The following NDUFS4 variants were observed in gnomAD, a reference collection of about 807,000 sequenced individuals.
NDUFS4 encodes the protein NADH dehydrogenase [ubiquinone] iron-sulfur protein 4, mitochondrial.
Under a neutral mutation model 24.3 loss-of-function variants are expected in NDUFS4, and 28 were observed. The observed-to-expected ratio is 1.15, with a 90% CI of 0.85 to 1.58. NDUFS4 has a LOEUF of 1.58. Among genes scored for constraint, NDUFS4 ranks in the 40% most tolerant of loss-of-function variants. The probability of loss-of-function intolerance (pLI) is 0.00; values close to 1 mark genes in which losing one functional copy is unlikely to be tolerated. For missense variants in NDUFS4, 223 were observed against 207.9 expected (o/e 1.07, Z -0.45); for synonymous variants, 93 against 69.7 (o/e 1.34, Z -1.67).
chr5:53,637,967 C>T (rs1301707832), intron 2 of NDUFS4, among the ~76,000 whole-genome samples: 1 of 152,028 alleles, frequency 6.6e-6, no homozygotes, highest in East Asian at 1.9e-4. Flanking sequence ...TTATGAATGA[C>T]AGAAGATTTA....
chr5:53,666,660 G>A (rs1752522215), intron 4 of NDUFS4, among the ~76,000 whole-genome samples: 2 of 151,758 alleles, frequency 1.3e-5, no homozygotes, highest in Admixed American at 1.3e-4. Context: ...CTCTGACTGG[G>A]CACAGTGGCT....
chr5:53,583,055 T>C (rs1265569389), intron 1 of NDUFS4, among the ~76,000 whole-genome samples: 1 of 152,064 alleles, frequency 6.6e-6, no homozygotes, highest in African/African-American at 2.4e-5. Flanking sequence ...TTTTTTGTAT[T>C]TTTAGTAGAG....
At chr5:53,631,852 A>G (rs2112490984) in intron 2 of NDUFS4, among the ~76,000 whole-genome samples, 1 of 152,260 alleles carries the variant, frequency 6.6e-6, no homozygotes, top group East Asian at 1.9e-4. Flanking sequence ...CACCGATGGG[A>G]ATCTCCTGGA....
chr5:53,573,781 G>C (rs982028369), intron 1 of NDUFS4: 1 of 255,684 alleles, frequency 3.9e-6, no homozygotes, highest in African/African-American at 2.3e-5. Context: ...TTTTTGTAGA[G>C]ACAGGTTGCT....
At chr5:53,648,989 G>T (rs1751941810) in intron 3 of NDUFS4, among the ~76,000 whole-genome samples, 2 of 152,104 alleles carry the variant, frequency 1.3e-5, no homozygotes, top group Admixed American at 1.3e-4. Context: ...TCTTCCATAA[G>T]GTATGGCTAC....
Position 53,575,530 on chromosome 5 carries a change from C to CTT in NDUFS4, c.98+14797_98+14798dup, listed in dbSNP as rs36051026. On this transcript the variant is annotated intron_variant, in intron 1 of 4. Coordinates refer to ENST00000296684, the MANE Select transcript of NDUFS4 (RefSeq NM_002495.4). ...AAAATATTCTTTATATGATCAGATT[C>CTT]TTTTTTTTTTTTTTTTTTTTTTTTT... Among the ~76,000 whole-genome samples, 23 of 76,118 alleles carry CTT rather than the reference C, an allele frequency of 3.0e-4. 1 individual carries two copies. Among genetic ancestry groups the CTT allele is most frequent in the African/African-American group, 8.1e-4 (14 of 17,286 alleles). The allele number at this position is 76,118 out of a possible 152,430, so 49.9% of individuals were successfully genotyped here. A position where few individuals can be genotyped will look rare whatever the true frequency, so the allele number is the denominator to read the frequency against.
At chr5:53,665,997 CT>C in intron 4 of NDUFS4, among the ~76,000 whole-genome samples, 1 of 152,172 alleles carries the variant, frequency 6.6e-6, no homozygotes, top group East Asian at 1.9e-4. Flanking sequence ...CCTTTAAAAA[CT>C]TTTTAAAAAG....
intron 3 of NDUFS4, among the ~76,000 whole-genome samples, chr5:53,655,325 A>G (rs1237157955): frequency 1.3e-5 from 2 of 151,516 alleles, no homozygotes; most frequent in South Asian, 2.1e-4. Flanking sequence ...TCCAGAGGTA[A>G]CCACCGTTCT....
intron 1 of NDUFS4, among the ~76,000 whole-genome samples, chr5:53,569,774 G>A (rs1413419832): frequency 1.3e-5 from 2 of 152,116 alleles, no homozygotes; most frequent in Admixed American, 6.6e-5. Flanking sequence ...GGCTTAGCAC[G>A]TCCAGTTTGT....
At chr5:53,603,367 G>A (rs932982574) in intron 1 of NDUFS4, 85 bp from the exon 2 acceptor site, 2 of 673,874 alleles carry the variant, frequency 3.0e-6, no homozygotes, top group East Asian at 3.5e-5. Context: ...GACAGATATT[G>A]TTAAAGTAGC....
intron 4 of NDUFS4, among the ~76,000 whole-genome samples, chr5:53,673,808 A>G (rs1740369083): frequency 6.6e-6 from 1 of 152,206 alleles, no homozygotes; most frequent in Non-Finnish European, 1.5e-5. Context: ...GTTACACGTC[A>G]GCATTTTAGT....
At chr5:53,648,276 T>C (rs1299433462) in intron 3 of NDUFS4, among the ~76,000 whole-genome samples, 1 of 152,170 alleles carries the variant, frequency 6.6e-6, no homozygotes, top group Non-Finnish European at 1.5e-5. Context: ...AAGCCCATAA[T>C]TGTCATGTCT....
intron 1 of NDUFS4, among the ~76,000 whole-genome samples, chr5:53,580,221 A>G (rs1749515775): frequency 6.6e-6 from 1 of 152,248 alleles, no homozygotes; most frequent in South Asian, 2.1e-4. Context: ...TTTTCACTTA[A>G]GAAATTCAAC....
At chr5:53,588,968 A>G in intron 1 of NDUFS4, among the ~76,000 whole-genome samples, 1 of 151,640 alleles carries the variant, frequency 6.6e-6, no homozygotes, top group East Asian at 1.9e-4. Flanking sequence ...AGTGAAGAGA[A>G]AATGCATAGC....
chr5:53,596,125 C>G (rs1190941512), intron 1 of NDUFS4, among the ~76,000 whole-genome samples: 2 of 151,932 alleles, frequency 1.3e-5, no homozygotes, highest in African/African-American at 4.8e-5. Context: ...GTCTGTCTTT[C>G]CAGAATGTTA....
intron 4 of NDUFS4, among the ~76,000 whole-genome samples, chr5:53,672,905 A>G (rs1740327572): frequency 6.6e-6 from 1 of 152,146 alleles, no homozygotes; most frequent in African/African-American, 2.4e-5. Flanking sequence ...TATATTAATA[A>G]AACTCAGATA....
chr5:53,682,743 G>A (rs1470441466), intron 4 of NDUFS4, among the ~76,000 whole-genome samples: 4 of 151,994 alleles, frequency 2.6e-5, no homozygotes, highest in Non-Finnish European at 2.9e-5. Context: ...TAGAATAATA[G>A]TGAGTTGGTT....
At chr5:53,598,725 G>A (rs1561352932) in intron 1 of NDUFS4, among the ~76,000 whole-genome samples, 1 of 152,106 alleles carries the variant, frequency 6.6e-6, no homozygotes. Context: ...CTTAACCAGA[G>A]TTAGAAATAA....
chr5:53,572,275 C>T (rs1472301816), intron 1 of NDUFS4, among the ~76,000 whole-genome samples: 2 of 152,164 alleles, frequency 1.3e-5, no homozygotes, highest in Non-Finnish European at 2.9e-5. Flanking sequence ...ATAGGGAAGA[C>T]ACCTCTCACA....
Sources: allele counts gnomAD v4.1 joint callset (sites outside exome capture counted in the v4.1 genomes callset), GRCh38; gene constraint gnomAD v4.1.1; transcripts MANE v1.5; gene names NCBI Gene and HGNC (gene_info 2026-07-23, HGNC 2026-07-21).